The following ZFAND4 variants were observed in gnomAD, a reference collection of about 807,000 sequenced individuals.
The protein encoded by ZFAND4 is zinc finger AN1-type containing 4.
Under a neutral mutation model 64.4 loss-of-function variants are expected in ZFAND4, and 43 were observed. The observed-to-expected ratio is 0.67, with a 90% CI of 0.52 to 0.86. The LOEUF (loss-of-function observed/expected upper bound fraction) is 0.86. Among genes scored for constraint, ZFAND4 ranks in the 40% least tolerant of loss-of-function variants. ZFAND4 has a pLI of 0.00. For missense variants in ZFAND4, 929 were observed against 859.8 expected, an observed-to-expected ratio of 1.08 and a Z score of -1.01; for synonymous variants, 296 against 305.7, an observed-to-expected ratio of 0.97 and a Z score of 0.33.
At chr10:45,617,056 G>A (rs1164792818) in intron 9 of ZFAND4, among the ~76,000 whole-genome samples, 2 of 149,628 alleles carry the variant, frequency 1.3e-5, no homozygotes, top group Non-Finnish European at 1.5e-5. Flanking sequence ...CCAGCCTGGT[G>A]ACAGAGCGAG....
chr10:45,632,148 T>G (rs192932198), intron 6 of ZFAND4, among the ~76,000 whole-genome samples: 1 of 151,898 alleles, frequency 6.6e-6, no homozygotes, highest in East Asian at 1.9e-4. Flanking sequence ...AGGTCAGGAG[T>G]TCGAGACCAG....
At chr10:45,665,809 A>G (rs2048788477) in intron 1 of ZFAND4, among the ~76,000 whole-genome samples, 1 of 152,246 alleles carries the variant, frequency 6.6e-6, no homozygotes, top group South Asian at 2.1e-4. Context: ...TTTCACATAA[A>G]TAGAATCATA....
At position 45,644,602 on chromosome 10, in the gene ZFAND4, T is replaced by C. The variant is rs186113747; in HGVS notation, c.569+3692A>G. ...ATTGATCACAGCAGTTGAGGAAGTA[T>C]GTCCTGAGAAAATAAAGTTGTTTAA... On this transcript the variant is annotated intron_variant, in intron 5 of 9. Transcript: ENST00000344646. 1.8e-3 allele frequency among the ~76,000 whole-genome samples: 270 copies of C among 152,348 alleles called. 3 individuals carry two copies. Among genetic ancestry groups the C allele is most frequent in the South Asian group, 0.015 (72 of 4,832 alleles).
intron 1 of ZFAND4, among the ~76,000 whole-genome samples, chr10:45,665,603 A>ATG (rs2048773584): frequency 3.3e-5 from 5 of 152,172 alleles, no homozygotes; most frequent in African/African-American, 1.2e-4. Context: ...CACTCATTTA[A>ATG]AGCCTAAAAT....
chr10:45,671,821 TA>T (rs199848014), intron 1 of ZFAND4, among the ~76,000 whole-genome samples: 2,050 of 140,806 alleles, frequency 0.015, 17 homozygotes, highest in African/African-American at 0.028. Context: ...CCCTAGAACT[TA>T]AAAAAAAAAA....
chr10:45,645,905 G>A (rs1454219823), intron 5 of ZFAND4, among the ~76,000 whole-genome samples: 4 of 151,778 alleles, frequency 2.6e-5, no homozygotes, highest in South Asian at 4.2e-4. Flanking sequence ...TTTTATAAAC[G>A]CCTTAAAAAT....
rs185804312 is a variant in ZFAND4 at position 45,621,839 on chromosome 10, T to A, written c.1927+2744A>T. Among the ~76,000 whole-genome samples, 832 of 152,000 alleles carry A rather than the reference T, an allele frequency of 5.5e-3. 1 individual carries two copies. The highest frequency in any genetic ancestry group is 6.4e-3 in the African/African-American group (264 of 41,474). On this transcript the variant is annotated intron_variant, in intron 8 of 9. Transcript: ENST00000344646. ...CAATGTGATAGCCTAGAATTTTTTT[T>A]AAAAAAAACTATTTCAAGAATGAAG...
intron 6 of ZFAND4, among the ~76,000 whole-genome samples, chr10:45,635,214 C>CAAAAAAAAAAAAAAAAAAAAAAAAAAA (rs76130878): frequency 1.9e-4 from 13 of 68,274 alleles, no homozygotes; most frequent in African/African-American, 3.4e-4. Flanking sequence ...AAAAAAAAAA[C>CAAAAAAAAAAAAAAAAAAAAAAAAAAA]AAAAAAAAAA....
At position 45,626,861 on chromosome 10, in the gene ZFAND4, T is replaced by C. The variant is rs761759892; in HGVS notation, c.962A>G (p.Asn321Ser). 6.2e-7 allele frequency: 1 copy of C among 1,614,204 alleles called. No homozygotes were observed. Among genetic ancestry groups the C allele is most frequent in the African/African-American group, 1.3e-5 (1 of 75,056 alleles). Residue 321 changes from asparagine (N) to serine (S), a missense_variant, in exon 7 of 10, where the codon AAT becomes AGT. Transcript: ENST00000344646. ...SITGEFLKEDNSWENNTLSHF... is the reference protein window; with the variant it reads ...SITGEFLKEDSSWENNTLSHF... ...AGACAGTGTGTTATTCTCCCAGCTA[T>C]TATCTTCCTTAAGAAATTCACCAGT...
chr10:45,653,709 A>G (rs1378993340), intron 2 of ZFAND4, among the ~76,000 whole-genome samples: 2 of 152,220 alleles, frequency 1.3e-5, no homozygotes, highest in African/African-American at 4.8e-5. Flanking sequence ...GAACGCATAC[A>G]CTGCTGGTGG....
chr10:45,652,676 G>A (rs1160989949), intron 3 of ZFAND4, among the ~76,000 whole-genome samples: 4 of 152,142 alleles, frequency 2.6e-5, no homozygotes, highest in African/African-American at 9.7e-5. Context: ...AGCCAGGAAG[G>A]AATGGTTCAA....
chr10:45,624,269 G>A (rs1222535708), intron 8 of ZFAND4, among the ~76,000 whole-genome samples: 1 of 152,172 alleles, frequency 6.6e-6, no homozygotes, highest in African/African-American at 2.4e-5. Context: ...AAACCCACAT[G>A]GCTCTAGAGT....
At chr10:45,622,638 T>A (rs2045513360) in intron 8 of ZFAND4, among the ~76,000 whole-genome samples, 1 of 152,206 alleles carries the variant, frequency 6.6e-6, no homozygotes, top group African/African-American at 2.4e-5. Context: ...GCCATTTTCA[T>A]TTCACTTCCT....
intron 2 of ZFAND4, chr10:45,662,746 T>A (rs956422963): frequency 1.3e-6 from 1 of 795,412 alleles, no homozygotes; most frequent in African/African-American, 1.9e-5. Context: ...TGAAAAATTC[T>A]AACCCTCCTC....
chr10:45,632,741 G>GT (rs1281859159), intron 6 of ZFAND4, among the ~76,000 whole-genome samples: 1 of 151,994 alleles, frequency 6.6e-6, no homozygotes, highest in Non-Finnish European at 1.5e-5. Context: ...GAAGGAAACT[G>GT]TAAGTATAAC....
At chr10:45,631,383 C>T (rs201292059) in intron 6 of ZFAND4, among the ~76,000 whole-genome samples, 4,496 of 131,886 alleles carry the variant, frequency 0.034, 77 homozygotes, top group East Asian at 0.058. Flanking sequence ...AAAAAAAAAA[C>T]ATATAAATTC....
At position 45,616,580 on chromosome 10, in the gene ZFAND4, CA is replaced by C; in HGVS notation, c.2049-10del. On this transcript the variant is annotated splice_polypyrimidine_tract_variant and intron_variant, in intron 9 of 9. Transcript: ENST00000344646. ...AGAAGTTGTTTCCACATCTAAAGCA[CA>C]AAAAAAGTTTACGTGAATAGTTGTA... 2 of 1,611,178 alleles carry C rather than the reference CA, an allele frequency of 1.2e-6. No homozygotes were observed. Among genetic ancestry groups the C allele is most frequent in the Non-Finnish European group, 1.7e-6 (2 of 1,178,956 alleles).
chr10:45,670,148 A>T (rs2049083446), intron 1 of ZFAND4, among the ~76,000 whole-genome samples: 1 of 152,184 alleles, frequency 6.6e-6, no homozygotes, highest in Non-Finnish European at 1.5e-5. Context: ...TCCCAACCCA[A>T]AATCTCCTTA....
chr10:45,622,605 T>C (rs2045510865), intron 8 of ZFAND4, among the ~76,000 whole-genome samples: 2 of 152,212 alleles, frequency 1.3e-5, no homozygotes, highest in African/African-American at 4.8e-5. Context: ...CATTTCTAGA[T>C]TGTGGATCTT....
Sources: allele counts gnomAD v4.1 joint callset (sites outside exome capture counted in the v4.1 genomes callset), GRCh38; gene constraint gnomAD v4.1.1; transcripts MANE v1.5; gene names NCBI Gene and HGNC (gene_info 2026-07-23, HGNC 2026-07-21).